PPP2R5C: variants seen among roughly 807,000 people sequenced by gnomAD.
PPP2R5C encodes serine/threonine-protein phosphatase 2A 56 kDa regulatory subunit gamma isoform.
Under a neutral mutation model 68.9 loss-of-function variants are expected in PPP2R5C, and 7 were observed. The ratio of observed to expected loss-of-function variants is 0.10; its 90% CI spans 0.06 to 0.19. The LOEUF is 0.19. PPP2R5C is among the 10% of genes least tolerant of loss of function. The pLI, the probability that PPP2R5C is intolerant of heterozygous loss-of-function variation, is 1.00. For synonymous variants in PPP2R5C, 210 were observed against 222.2 expected (o/e 0.95, Z 0.49); for missense variants, 348 against 641.3 (o/e 0.54, Z 4.94).
chr14:101,873,765 G>A (rs999738597), intron 2 of PPP2R5C, among the ~76,000 whole-genome samples: 2 of 152,158 alleles, frequency 1.3e-5, no homozygotes, highest in African/African-American at 4.8e-5. Flanking sequence ...TTCTAATCCA[G>A]TTTGAATCCT....
In PPP2R5C at chr14:101,917,679, G is replaced by A. The variant is rs1364261709; in HGVS notation, c.1327-152G>A. ...TTTCAGAAGTCAGCAGCCGCATCAT[G>A]TTGCAGGTGTAGGCGAGTCTCCCAC... On this transcript the variant is annotated intron_variant, in intron 12 of 13. Coordinates refer to ENST00000334743, the Ensembl canonical transcript of PPP2R5C. This position sits in a 1 kb window ranked among gnomAD's most constrained non-coding sequence, Gnocchi z 4.4. 2.1e-6 allele frequency: 2 copies of A among 949,900 alleles called. No individual in the cohort carries two copies. Among genetic ancestry groups the A allele is most frequent in the Non-Finnish European group, 3.1e-6 (2 of 640,210 alleles). 58.8% of individuals were successfully genotyped at this position (949,900 alleles called of 1,614,324 possible). A position where few individuals can be genotyped will look rare whatever the true frequency, so the allele number is the denominator to read the frequency against.
At chr14:101,927,976 T>G (rs1247264081) in exon 14 of PPP2R5C, 1 of 152,242 alleles carries the variant, frequency 6.6e-6, no homozygotes, top group East Asian at 1.9e-4. Context: ...ATGTGAATTT[T>G]ATTGCTCATC....
Position 101,819,067 on chromosome 14 carries a change from G to A in PPP2R5C, c.94+9031G>A, listed in dbSNP as rs754195357. 38 of 1,550,842 alleles carry A rather than the reference G, an allele frequency of 2.5e-5. No individual in the cohort carries two copies. The highest frequency in any genetic ancestry group is 3.2e-5 in the Non-Finnish European group (37 of 1,146,376). Reference sequence around the variant, plus strand: ...TCCTGAGTTGCTGGTTCTTATTTTTGGTGGGCTTCAAGGAAGAGGTGGGTG... The same window carrying A: ...TCCTGAGTTGCTGGTTCTTATTTTTAGTGGGCTTCAAGGAAGAGGTGGGTG... On this transcript the variant is annotated intron_variant, in intron 1 of 13. Transcript: ENST00000334743.
At chr14:101,893,266 G>A (rs183689219) in intron 7 of PPP2R5C, among the ~76,000 whole-genome samples, 158 bp downstream of exon 9, 130 of 152,250 alleles carry the variant, frequency 8.5e-4, no homozygotes, top group African/African-American at 2.8e-3. Flanking sequence ...GAATAAGGGG[G>A]TAAAGAGAGA....
chr14:101,816,458 C>A (rs951512294), intron 1 of PPP2R5C, among the ~76,000 whole-genome samples: 1 of 152,082 alleles, frequency 6.6e-6, no homozygotes, highest in Non-Finnish European at 1.5e-5. Context: ...AGAAAAAAGA[C>A]TAAAGAGATA....
upstream of PPP2R5C, among the ~76,000 whole-genome samples, chr14:101,761,630 G>A (rs1483447300): frequency 3.8e-5 from 5 of 132,890 alleles, no homozygotes; most frequent in African/African-American, 1.4e-4. Context: ...CGGCCGGGGG[G>A]TGGGAGGAGA....
chr14:101,925,166 G>C, exon 14 of PPP2R5C: 1 of 1,614,076 alleles, frequency 6.2e-7, no homozygotes, highest in Non-Finnish European at 8.5e-7. Flanking sequence ...AAGAAGGACC[G>C]TCCTCTTGCA....
At chr14:101,810,402 C>G (rs1220298444) in intron 1 of PPP2R5C, 1 of 186,474 alleles carries the variant, frequency 5.4e-6, no homozygotes, top group African/African-American at 2.4e-5. Context: ...CCAAGTTGTT[C>G]GTACGCAGAG....
At chr14:101,803,720 A>T (rs1239337819) in intron 3 of PPP2R5C, among the ~76,000 whole-genome samples, 3 of 149,324 alleles carry the variant, frequency 2.0e-5, no homozygotes, top group Non-Finnish European at 4.4e-5. Context: ...GCAGAGCAAG[A>T]CTCCATCTCA....
chr14:101,854,020 G>A (rs1248185907), intron 1 of PPP2R5C, among the ~76,000 whole-genome samples: 3 of 152,122 alleles, frequency 2.0e-5, no homozygotes, highest in East Asian at 3.8e-4. Context: ...GAATTGATGA[G>A]AATTGAAGGC....
rs1426233550 is a variant in PPP2R5C at position 101,842,114 on chromosome 14, C to T, written c.95-14572C>T. Among the ~76,000 whole-genome samples the T allele has an allele frequency of 3.9e-5, 6 of 152,294 alleles. 1 individual carries two copies. In the Middle Eastern group the frequency reaches 0.01, roughly 259 times the overall value. On this transcript the variant is annotated intron_variant, in intron 1 of 13. Transcript: ENST00000334743. The stretch of plus-strand genomic sequence containing the variant: ...TAGAGAAGGGTCCCCTGTCTTTCAA[C>T]ACTTACCCAAACACTAGAATGTTAC...
intron 1 of PPP2R5C, among the ~76,000 whole-genome samples, chr14:101,852,435 ATTCTTTTTTT>A (rs1057205333): frequency 5.5e-5 from 8 of 144,562 alleles, no homozygotes; most frequent in Admixed American, 4.8e-4. Context: ...AGAATAGCAC[ATTCTTTTTTT>A]TTCTTTTTTT....
At chr14:101,816,882 T>TATATATATATTATATAAATATATATATA (rs2039717958) in intron 1 of PPP2R5C, among the ~76,000 whole-genome samples, 1 of 132,004 alleles carries the variant, frequency 7.6e-6, no homozygotes, top group Non-Finnish European at 1.5e-5. Flanking sequence ...ATATATATAT[T>TATATATATATTATATAAATATATATATA]ATATATATAT....
chr14:101,927,232 CTG>C (rs1421447921), exon 14 of PPP2R5C: 1 of 152,120 alleles, frequency 6.6e-6, no homozygotes, highest in Non-Finnish European at 1.5e-5. Flanking sequence ...GTTTGGGTGA[CTG>C]TGTAAAGCTC....
At chr14:101,862,901 A>C (rs1325997760) in intron 2 of PPP2R5C, among the ~76,000 whole-genome samples, 1 of 148,064 alleles carries the variant, frequency 6.8e-6, no homozygotes, top group Non-Finnish European at 1.5e-5. Flanking sequence ...CTCACTGCAG[A>C]CTCAAACTCC....
At chr14:101,892,855 GC>G in intron 6 of PPP2R5C, 144 bp from the exon 9 acceptor site, 2 of 623,676 alleles carry the variant, frequency 3.2e-6, no homozygotes, top group Non-Finnish European at 5.6e-6. Context: ...GTTAGCTGGG[GC>G]ACAGGTGCAT....
chr14:101,778,245 T>C (rs191322389), intron 2 of PPP2R5C, among the ~76,000 whole-genome samples: 2 of 152,362 alleles, frequency 1.3e-5, no homozygotes, highest in South Asian at 4.1e-4. Flanking sequence ...GTTCAAGTCC[T>C]TTGCCCATTT....
chr14:101,910,919 A>T (rs1244236402), intron 11 of PPP2R5C, among the ~76,000 whole-genome samples: 1 of 152,162 alleles, frequency 6.6e-6, no homozygotes, highest in African/African-American at 2.4e-5. Flanking sequence ...CCTGGCGAAC[A>T]CAGTGAAACC....
At chr14:101,812,325 C>G (rs1470645286) in intron 1 of PPP2R5C, among the ~76,000 whole-genome samples, 1 of 152,150 alleles carries the variant, frequency 6.6e-6, no homozygotes, top group Non-Finnish European at 1.5e-5. Flanking sequence ...CGGCAGGGTG[C>G]CCGGGAGAGC....
Sources: gnomAD v4.1 joint callset for allele counts (sites outside exome capture counted in the v4.1 genomes callset) on GRCh38, gnomAD v4.1.1 for gene constraint, Gnocchi (gnomAD v3.1) non-coding constraint, MANE v1.5 for transcripts, NCBI Gene and HGNC (gene_info 2026-07-23, HGNC 2026-07-21) for gene names.